DNM1L: variants seen among roughly 807,000 people sequenced by gnomAD.
The protein encoded by DNM1L is dynamin-1-like protein.
Under a neutral mutation model 92.8 loss-of-function variants are expected in DNM1L, and 33 were observed. That is an observed-to-expected ratio of 0.36 (90% confidence interval 0.27 to 0.48). The LOEUF (loss-of-function observed/expected upper bound fraction) is 0.48. Among genes scored for constraint, DNM1L ranks in the 20% least tolerant of loss-of-function variants. The probability of loss-of-function intolerance (pLI) is 0.99; values close to 1 mark genes in which losing one functional copy is unlikely to be tolerated. For synonymous variants in DNM1L, 284 were observed against 305.0 expected (o/e 0.93, Z 0.72); for missense variants, 485 against 888.8 (o/e 0.55, Z 5.78).
chr12:32,697,416 T>C (rs538422738), intron 1 of DNM1L, among the ~76,000 whole-genome samples: 8 of 152,242 alleles, frequency 5.3e-5, no homozygotes, highest in Admixed American at 2.6e-4. Context: ...AGATATGATC[T>C]GTAAAGGGGT....
intron 1 of DNM1L, among the ~76,000 whole-genome samples, chr12:32,682,393 A>G (rs935768771): frequency 2.0e-5 from 3 of 152,044 alleles, no homozygotes; most frequent in Non-Finnish European, 4.4e-5. Context: ...CGGCCTCCCA[A>G]AGTGCTGGGA....
chr12:32,715,985 A>G (rs1473377653), intron 6 of DNM1L, among the ~76,000 whole-genome samples: 1 of 152,188 alleles, frequency 6.6e-6, no homozygotes, highest in Admixed American at 6.5e-5. Context: ...CAAAAACTAG[A>G]AACAACTCAC....
Position 32,742,585 on chromosome 12 carries a change from G to T in DNM1L, c.1995-4G>T. On this transcript the variant is annotated splice_polypyrimidine_tract_variant and splice_region_variant and intron_variant, in intron 18 of 19. Coordinates refer to ENST00000549701, the MANE Select transcript of DNM1L (RefSeq NM_012062.5). ...AAATTCCATAATTTGGTTGTGTTTT[G>T]CAGTGTGCCAAAGGCAGTAATGCAT... The T allele has an allele frequency of 6.2e-7, 1 of 1,613,986 alleles. No homozygotes were observed. Among genetic ancestry groups the T allele is most frequent in the Non-Finnish European group, 8.5e-7 (1 of 1,179,952 alleles).
At chr12:32,715,360 T>A (rs1953314616) in intron 6 of DNM1L, among the ~76,000 whole-genome samples, 1 of 152,036 alleles carries the variant, frequency 6.6e-6, no homozygotes, top group Admixed American at 6.5e-5. Flanking sequence ...GGCCAGCAGT[T>A]GGAAAGATTA....
intron 1 of DNM1L, among the ~76,000 whole-genome samples, chr12:32,700,858 T>G (rs990399118): frequency 2.6e-5 from 4 of 152,158 alleles, no homozygotes; most frequent in Non-Finnish European, 4.4e-5. Context: ...TTGTGTAGGT[T>G]TTGAAACCTG....
At chr12:32,690,239 CTG>C (rs1331343742) in intron 1 of DNM1L, among the ~76,000 whole-genome samples, 1 of 152,162 alleles carries the variant, frequency 6.6e-6, no homozygotes, top group East Asian at 1.9e-4. Context: ...TTCATTTAGT[CTG>C]TGTGTGTTGA....
In DNM1L at chr12:32,745,116, G is replaced by C. The variant is rs966211870; in HGVS notation, c.*1706G>C. On this transcript the variant is annotated 3_prime_UTR_variant, in exon 20 of 20. Coordinates refer to ENST00000549701, the MANE Select transcript of DNM1L (RefSeq NM_012062.5). ...GTCTGATACGATATGGTACTACTTT[G>C]AATCTGTTACTAGTACCATCTTGAC... 4 of 433,520 alleles carry C rather than the reference G, an allele frequency of 9.2e-6. No homozygotes were observed. The highest frequency in any genetic ancestry group is 2.8e-5 in the Admixed American group (1 of 35,996). The allele number at this position is 433,520 out of a possible 1,614,324, so 26.9% of individuals were successfully genotyped here.
intron 1 of DNM1L, among the ~76,000 whole-genome samples, chr12:32,686,045 C>CTTTTTTTTTTTTTT (rs972264615): frequency 1.2e-5 from 1 of 82,688 alleles, no homozygotes; most frequent in African/African-American, 6.0e-5. Flanking sequence ...TAAAATTAGC[C>CTTTTTTTTTTTTTT]TTTTTTTTTT....
intron 1 of DNM1L, among the ~76,000 whole-genome samples, chr12:32,694,591 T>C (rs1952363046): frequency 6.6e-6 from 1 of 152,236 alleles, no homozygotes; most frequent in Non-Finnish European, 1.5e-5. Context: ...ATATCCATAT[T>C]AGGGATCCTG....
chr12:32,720,577 A>T, intron 7 of DNM1L, 87 bp from the exon 8 acceptor site: 1 of 1,560,934 alleles, frequency 6.4e-7, no homozygotes, highest in Non-Finnish European at 8.8e-7. Context: ...GTCAGGTATT[A>T]GAGAACAATG....
intron 9 of DNM1L, among the ~76,000 whole-genome samples, chr12:32,730,291 G>A (rs1201090291): frequency 6.6e-6 from 1 of 152,252 alleles, no homozygotes; most frequent in Non-Finnish European, 1.5e-5. Context: ...TTGAACCCAG[G>A]AGGCGGAGGT....
At chr12:32,726,273 A>G in intron 9 of DNM1L, 1 of 942,502 alleles carries the variant, frequency 1.1e-6, no homozygotes, top group Non-Finnish European at 1.7e-6. Context: ...CTTTAAAACA[A>G]AAATTACCCA....
chr12:32,686,942 T>C (rs1027275575), intron 1 of DNM1L, among the ~76,000 whole-genome samples: 17 of 142,394 alleles, frequency 1.2e-4, no homozygotes, highest in South Asian at 2.3e-4. Context: ...TTTTTCTTTT[T>C]TTTTTTTTTT....
intron 18 of DNM1L, 21 bp downstream of exon 18, chr12:32,740,539 A>G (rs1184860989): frequency 1.3e-6 from 2 of 1,572,556 alleles, no homozygotes; most frequent in Non-Finnish European, 1.7e-6. Flanking sequence ...CTTAATATAA[A>G]TGACGGACTT....
intron 18 of DNM1L, among the ~76,000 whole-genome samples, chr12:32,741,368 C>T (rs1955278285): frequency 6.6e-6 from 1 of 152,230 alleles, no homozygotes; most frequent in South Asian, 2.1e-4. Context: ...CCACTTCAAC[C>T]TCTGCCTTCT....
At chr12:32,705,913 T>C (rs1952904994) in intron 2 of DNM1L, 1 of 1,519,430 alleles carries the variant, frequency 6.6e-7, no homozygotes, top group Non-Finnish European at 9.0e-7. Flanking sequence ...TATGCCTGCA[T>C]GTGTGCTTAT....
chr12:32,695,218 C>G (rs1046376446), intron 1 of DNM1L, among the ~76,000 whole-genome samples: 1 of 152,110 alleles, frequency 6.6e-6, no homozygotes, highest in Non-Finnish European at 1.5e-5. Context: ...GGCAGAGTAG[C>G]TATTCAGAGC....
At chr12:32,743,131 A>G (rs558212482) in intron 19 of DNM1L, among the ~76,000 whole-genome samples, 19 of 151,598 alleles carry the variant, frequency 1.3e-4, no homozygotes, top group Middle Eastern at 3.4e-3. Flanking sequence ...TCCTGACCTC[A>G]TGATCCGCCC....
At position 32,679,331 on chromosome 12, in the gene DNM1L, C is replaced by G; in HGVS notation, c.-33C>G. ...CCCCGGCCCCATTCATTGCCGTGGC[C>G]GGCGGGCACTGGGGCCCCGTGTTTT... On this transcript the variant is annotated 5_prime_UTR_variant, in exon 1 of 20. Transcript: ENST00000549701. The G allele has an allele frequency of 1.4e-6, 2 of 1,476,308 alleles. No individual in the cohort carries two copies. Among genetic ancestry groups the G allele is most frequent in the African/African-American group, 2.8e-5 (2 of 72,308 alleles). 91.5% of individuals were successfully genotyped at this position (1,476,308 alleles called of 1,614,324 possible). A position where few individuals can be genotyped will look rare whatever the true frequency, so the allele number is the denominator to read the frequency against.
Sources: gnomAD v4.1 joint callset for allele counts (sites outside exome capture counted in the v4.1 genomes callset) on GRCh38, gnomAD v4.1.1 for gene constraint, MANE v1.5 for transcripts, NCBI Gene and HGNC (gene_info 2026-07-23, HGNC 2026-07-21) for gene names.